Variants in PDE11A observed in about 807,000 individuals in gnomAD.
The protein encoded by PDE11A is dual 3',5'-cyclic-AMP and -GMP phosphodiesterase 11A.
In PDE11A, 100 loss-of-function variants were observed where a neutral mutation model predicts 100.5. The ratio of observed to expected loss-of-function variants is 1.00; its 90% CI spans 0.85 to 1.18. The LOEUF is 1.18. Among genes scored for constraint, PDE11A ranks in the 50% most tolerant of loss-of-function variants. PDE11A has a pLI of 0.00. For synonymous variants in PDE11A, 381 were observed against 420.8 expected (o/e 0.91, Z 1.16); for missense variants, 1,141 against 1,152.6 (o/e 0.99, Z 0.15).
In PDE11A at chr2:178,072,072, C is replaced by T; in HGVS notation, c.366G>A (p.Arg122=). ...TGGCCTTGGAGCGGGCAAAACTCTT[C>T]CTTAGCTCTTTCTGAGAAGCTCTCC... ...LQRRASQKEL[R]KSFARSKAIH... is the part of the protein sequence containing the mutation. Residue 122 remains arginine (R), a synonymous_variant, in exon 1 of 20, where the codon AGG becomes AGA. Coordinates refer to ENST00000286063, the MANE Select transcript of PDE11A (RefSeq NM_016953.4). The T allele has an allele frequency of 6.2e-7, 1 of 1,614,122 alleles. No individual in the cohort carries two copies. Among genetic ancestry groups the T allele is most frequent in the Non-Finnish European group, 8.5e-7 (1 of 1,179,980 alleles).
intron 19 of PDE11A, among the ~76,000 whole-genome samples, chr2:177,633,207 A>G (rs1175482069): frequency 6.6e-6 from 1 of 152,240 alleles, no homozygotes; most frequent in Admixed American, 6.5e-5. Flanking sequence ...CAAAAGGTGA[A>G]CATATCATTA....
At chr2:178,102,966 G>A (rs571203828) in intron 2 of PDE11A, among the ~76,000 whole-genome samples, 1 of 152,196 alleles carries the variant, frequency 6.6e-6, no homozygotes, top group Non-Finnish European at 1.5e-5. Context: ...TGTAAAGACA[G>A]AGATGCACAG....
chr2:177,675,300 G>A (rs369193378), intron 17 of PDE11A, among the ~76,000 whole-genome samples, 155 bp downstream of exon 17: 4 of 148,532 alleles, frequency 2.7e-5, no homozygotes, highest in South Asian at 4.2e-4. Context: ...AAACTGTGTC[G>A]TGCCTAAGCC....
intron 19 of PDE11A, among the ~76,000 whole-genome samples, chr2:177,656,057 G>C (rs1291837275): frequency 6.6e-6 from 1 of 152,130 alleles, no homozygotes; most frequent in African/African-American, 2.4e-5. Context: ...ATTCAACTAT[G>C]ATGAGAACTA....
chr2:177,970,681 T>C (rs1023308909), intron 2 of PDE11A, among the ~76,000 whole-genome samples: 1 of 151,900 alleles, frequency 6.6e-6, no homozygotes, highest in African/African-American at 2.4e-5. Context: ...CATAAAAGTG[T>C]TAGTTGAAAT....
chr2:177,987,264 A>G (rs1486503571), intron 2 of PDE11A, among the ~76,000 whole-genome samples: 2 of 152,196 alleles, frequency 1.3e-5, no homozygotes, highest in Admixed American at 6.5e-5. Flanking sequence ...GTAAAGAACC[A>G]AAGGCCTCAA....
intron 5 of PDE11A, among the ~76,000 whole-genome samples, chr2:177,840,854 T>C (rs1469971): frequency 0.97 from 147,503 of 152,332 alleles, 71,578 homozygotes; most frequent in Middle Eastern, 1. Flanking sequence ...ATCTAGACTA[T>C]GGTCTTTTAA....
rs186386443 is a variant in PDE11A at position 177,658,114 on chromosome 2, C to A, written c.2646+5752G>T. 2.6e-3 allele frequency among the ~76,000 whole-genome samples: 403 copies of A among 152,268 alleles called. 1 individual carries two copies. The highest frequency in any genetic ancestry group is 0.017 in the Middle Eastern group (5 of 294). On this transcript the variant is annotated intron_variant, in intron 19 of 19. Coordinates refer to ENST00000286063, the MANE Select transcript of PDE11A (RefSeq NM_016953.4). ...TGGCACAGCATCACAGCCAGAGTTG[C>A]GACCAGCCACCTCTCAGTTAACCCA...
intron 12 of PDE11A, among the ~76,000 whole-genome samples, chr2:177,717,172 G>A (rs946888864): frequency 3.9e-5 from 6 of 152,140 alleles, no homozygotes; most frequent in African/African-American, 9.7e-5. Context: ...TACCTCTCCC[G>A]ACGGTGATAC....
intron 5 of PDE11A, among the ~76,000 whole-genome samples, chr2:177,865,527 G>A (rs934579865): frequency 1.3e-5 from 2 of 152,030 alleles, no homozygotes; most frequent in African/African-American, 2.4e-5. Flanking sequence ...CAAAAGAACC[G>A]AAAATCTATG....
At chr2:177,634,167 C>T (rs947132780) in intron 19 of PDE11A, among the ~76,000 whole-genome samples, 35 of 152,100 alleles carry the variant, frequency 2.3e-4, no homozygotes, top group African/African-American at 7.7e-4. Context: ...AGCTTTCTTC[C>T]CTTTATCCTT....
intron 3 of PDE11A, among the ~76,000 whole-genome samples, chr2:177,903,105 A>AT (rs1011438747): frequency 6.6e-6 from 1 of 151,524 alleles, no homozygotes; most frequent in Non-Finnish European, 1.5e-5. Flanking sequence ...TCCTCATTTT[A>AT]TTTTTTTTCC....
intron 5 of PDE11A, among the ~76,000 whole-genome samples, chr2:177,858,924 G>A (rs1439506741): frequency 3.3e-5 from 5 of 151,930 alleles, no homozygotes; most frequent in Non-Finnish European, 7.4e-5. Context: ...CCATAAAAAA[G>A]GATGAGTTCA....
At chr2:177,956,902 G>C (rs2085570826) in intron 2 of PDE11A, among the ~76,000 whole-genome samples, 1 of 152,024 alleles carries the variant, frequency 6.6e-6, no homozygotes. Flanking sequence ...ACACACTGGG[G>C]ACTGTTGTGG....
chr2:177,938,907 T>TAGG (rs989996038), intron 2 of PDE11A, among the ~76,000 whole-genome samples: 11 of 151,990 alleles, frequency 7.2e-5, no homozygotes, highest in Non-Finnish European at 1.3e-4. Context: ...AAGAGAAGAT[T>TAGG]AGGACACAGA....
chr2:177,915,410 C>T (rs2084938358), intron 2 of PDE11A, among the ~76,000 whole-genome samples: 1 of 152,176 alleles, frequency 6.6e-6, no homozygotes, highest in South Asian at 2.1e-4. Context: ...TGTAGCTTTG[C>T]CTTTTCCAGA....
chr2:177,864,491 A>C (rs2083996597), intron 5 of PDE11A, among the ~76,000 whole-genome samples: 1 of 152,222 alleles, frequency 6.6e-6, no homozygotes, highest in Non-Finnish European at 1.5e-5. Context: ...ACTTATTTAA[A>C]AAAGAATTTA....
chr2:178,039,211 G>A (rs1213880349), intron 1 of PDE11A, among the ~76,000 whole-genome samples: 3 of 152,156 alleles, frequency 2.0e-5, no homozygotes, highest in African/African-American at 4.8e-5. Flanking sequence ...AAAAGAATGA[G>A]ATCATGTCTT....
chr2:177,851,424 T>C (rs1362474366), intron 5 of PDE11A, among the ~76,000 whole-genome samples: 2 of 151,948 alleles, frequency 1.3e-5, no homozygotes, highest in African/African-American at 2.4e-5. Flanking sequence ...TTAGGAGATA[T>C]ACCTAATGCT....
Sources: allele counts gnomAD v4.1 joint callset (sites outside exome capture counted in the v4.1 genomes callset), GRCh38; gene constraint gnomAD v4.1.1; transcripts MANE v1.5; gene names NCBI Gene and HGNC (gene_info 2026-07-23, HGNC 2026-07-21).